Variants in LRR1 observed in about 807,000 individuals in gnomAD.
LRR1 encodes the protein leucine rich repeat protein 1.
Under a neutral mutation model 31.6 loss-of-function variants are expected in LRR1, and 29 were observed. The ratio of observed to expected loss-of-function variants is 0.92; its 90% CI spans 0.68 to 1.25. The LOEUF (loss-of-function observed/expected upper bound fraction) is 1.25. Ranked by LOEUF, LRR1 falls within the 50% of genes most tolerant of loss-of-function variation. LRR1 has a pLI of 0.00. For missense variants in LRR1, 485 were observed against 487.2 expected, an observed-to-expected ratio of 1.00 and a Z score of 0.04; for synonymous variants, 179 against 181.4, an observed-to-expected ratio of 0.99 and a Z score of 0.10.
chr14:49,602,471 A>G lies in LRR1; in HGVS notation c.282+3A>G. ...CTGTGGATATCTGTCTAAGTAAGGTATGGTATTAAAAACATTAATGATTAA... is the reference window on the plus strand; with the variant it reads ...CTGTGGATATCTGTCTAAGTAAGGTGTGGTATTAAAAACATTAATGATTAA... On this transcript the variant is annotated splice_donor_region_variant and intron_variant, in intron 2 of 3. Transcript: ENST00000298288. 6.2e-7 allele frequency: 1 copy of G among 1,605,360 alleles called. No homozygotes were observed. The highest frequency in any genetic ancestry group is 8.5e-7 in the Non-Finnish European group (1 of 1,172,682).
chr14:49,605,198 CTG>C (rs1882235684), intron 2 of LRR1, among the ~76,000 whole-genome samples: 3 of 152,168 alleles, frequency 2.0e-5, no homozygotes, highest in Admixed American at 6.6e-5. Flanking sequence ...TCTGGCCCAA[CTG>C]TGCATTATTT....
chr14:49,607,695 C>T lies in LRR1; in HGVS notation c.578C>T (p.Pro193Leu), dbSNP rs1435233492. The T allele has an allele frequency of 1.2e-6, 2 of 1,610,368 alleles. No homozygotes were observed. Among genetic ancestry groups the T allele is most frequent in the South Asian group, 1.1e-5 (1 of 90,660 alleles). The change falls in exon 3 of 4, where the codon CCA becomes CTA. Residue 193 changes from proline to leucine, a missense_variant. This residue lies in a region of LRR1 where 260 missense variants were observed against 249.6 expected (regional missense o/e 1.04). Transcript: ENST00000298288. Reference sequence around the variant, plus strand: ...AGTCACAACCATATAAAAAAGCTTCCAGCTACAATTGGAGACCTCATACAC... The same window carrying T: ...AGTCACAACCATATAAAAAAGCTTCTAGCTACAATTGGAGACCTCATACAC... ...DLSHNHIKKL[P>L]ATIGDLIHLQ...
chr14:49,599,787 GGCGGCGACC>G (rs1881970681), intron 1 of LRR1, among the ~76,000 whole-genome samples: 1 of 146,614 alleles, frequency 6.8e-6, no homozygotes, highest in South Asian at 2.1e-4. Context: ...CGGGGATCCG[GGCGGCGACC>G]GCGGCGGCGG....
chr14:49,608,766 T>C (rs925149600), intron 3 of LRR1, among the ~76,000 whole-genome samples: 1 of 152,044 alleles, frequency 6.6e-6, no homozygotes, highest in Non-Finnish European at 1.5e-5. Context: ...GGGGTCCAGC[T>C]GTGTCTTAGT....
intron 3 of LRR1, among the ~76,000 whole-genome samples, chr14:49,613,899 C>T (rs1161389537): frequency 6.6e-6 from 1 of 152,156 alleles, no homozygotes; most frequent in Non-Finnish European, 1.5e-5. Context: ...GTAAGGTTAG[C>T]CTTACTTGCC....
At chr14:49,603,987 G>A (rs1882189614) in intron 2 of LRR1, among the ~76,000 whole-genome samples, 1 of 150,024 alleles carries the variant, frequency 6.7e-6, no homozygotes. Context: ...CACCGTGCCC[G>A]GACTGTAATC....
intron 1 of LRR1, among the ~76,000 whole-genome samples, chr14:49,602,125 C>CT (rs1303042897): frequency 7.5e-6 from 1 of 132,748 alleles, no homozygotes; most frequent in Non-Finnish European, 1.6e-5. Context: ...GAGACTCTGT[C>CT]TCAAAAAAAA....
chr14:49,601,792 TGAG>T lies in LRR1; in HGVS notation c.184-574_184-572del, dbSNP rs1882063629. On this transcript the variant is annotated intron_variant, in intron 1 of 3. Coordinates refer to ENST00000298288, the MANE Select transcript of LRR1 (RefSeq NM_152329.4). ...GCAGTAACATCCACCACCAGCTAGA[TGAG>T]GAGTATAACTTCCCAACTGCTAAAA... 4 of 570,384 alleles carry T rather than the reference TGAG, an allele frequency of 7.0e-6. No individual in the cohort carries two copies. In the Admixed American group the frequency reaches 1.1e-4, roughly 16 times the overall value. 35.3% of individuals were successfully genotyped at this position (570,384 alleles called of 1,614,324 possible).
At chr14:49,606,844 A>G (rs908493451) in intron 2 of LRR1, among the ~76,000 whole-genome samples, 1 of 150,646 alleles carries the variant, frequency 6.6e-6, no homozygotes, top group Admixed American at 6.6e-5. Flanking sequence ...TTTAGTAGAA[A>G]CAGGGCTTCA....
Position 49,614,295 on chromosome 14 carries a change from C to T in LRR1, c.1044C>T (p.Cys348=). 1 of 1,613,546 alleles carries T rather than the reference C, an allele frequency of 6.2e-7. No individual in the cohort carries two copies. The highest frequency in any genetic ancestry group is 8.5e-7 in the Non-Finnish European group (1 of 1,179,880). The stretch of plus-strand genomic sequence containing the variant: ...CTCATATCATTCCATTCCATCTCTG[C>T]CAAGATTTGGATACCGCAAAAATTT... ...YGSHIIPFHL[C]QDLDTAKICV... Residue 348 remains cysteine, a synonymous_variant, in exon 4 of 4, where the codon TGC becomes TGT. Transcript: ENST00000298288.
At chr14:49,607,330 T>A (rs1882321849) in intron 2 of LRR1, 70 bp from the exon 3 acceptor site, 1 of 1,386,312 alleles carries the variant, frequency 7.2e-7, no homozygotes, top group South Asian at 1.8e-5. Flanking sequence ...TAGAATTTGT[T>A]ATGGGAAGAA....
At chr14:49,613,573 G>GAGGC (rs1882593608) in intron 3 of LRR1, among the ~76,000 whole-genome samples, 1 of 151,724 alleles carries the variant, frequency 6.6e-6, no homozygotes, top group Admixed American at 6.6e-5. Flanking sequence ...TTTGGAGGCT[G>GAGGC]AGGCAGGCAG....
chr14:49,603,219 G>A (rs1882137765), intron 2 of LRR1, among the ~76,000 whole-genome samples: 1 of 69,616 alleles, frequency 1.4e-5, no homozygotes, highest in African/African-American at 5.4e-5. Context: ...ACAGACTCTT[G>A]CAGGTTTTTT....
intron 1 of LRR1, chr14:49,600,206 C>G (rs1308184703): frequency 6.1e-6 from 9 of 1,475,064 alleles, no homozygotes; most frequent in Non-Finnish European, 8.5e-6. Context: ...AAGACTATGA[C>G]CATCTGAGGC....
At position 49,607,980 on chromosome 14, in the gene LRR1, C is replaced by T. The variant is rs750268371; in HGVS notation, c.863C>T (p.Pro288Leu). The T allele has an allele frequency of 8.1e-6, 13 of 1,613,940 alleles. No homozygotes were observed. Among genetic ancestry groups the T allele is most frequent in the African/African-American group, 1.3e-5 (1 of 74,906 alleles). The change falls in exon 3 of 4, where the codon CCT (proline) becomes CTT (leucine). Residue 288 changes from proline (P) to leucine (L), a missense_variant. Around this residue, in one of 3 missense-constraint regions of LRR1, gnomAD observed 210 missense variants for 200.4 expected, o/e 1.05. Transcript: ENST00000298288. ...GCTCGAAATAAGCTTCCATTTTTGC[C>T]TAGTGAATTTAGAAATTTATCCCTT... ...SAARNKLPFL[P>L]SEFRNLSLEY... is the part of the protein sequence containing the mutation.
chr14:49,600,095 C>T (rs1405747807), intron 1 of LRR1: 2 of 1,593,880 alleles, frequency 1.3e-6, no homozygotes, highest in Non-Finnish European at 8.6e-7. Flanking sequence ...ACGACGCCTT[C>T]CCGGAGGAGT....
chr14:49,598,940 G>T lies in LRR1; in HGVS notation c.-81G>T. 6.7e-7 allele frequency: 1 copy of T among 1,497,830 alleles called. No homozygotes were observed. The highest frequency in any genetic ancestry group is 9.0e-7 in the Non-Finnish European group (1 of 1,108,468). 92.8% of individuals were successfully genotyped at this position (1,497,830 alleles called of 1,614,324 possible). ...AGATCAGTGGGCAGCCCGCGTGCGC[G>T]AGGACCCCGATGGCGGCGCCGGGTG... On this transcript the variant is annotated 5_prime_UTR_variant, in exon 1 of 4. Transcript: ENST00000298288.
At chr14:49,600,215 G>A in intron 1 of LRR1, 1 of 1,484,428 alleles carries the variant, frequency 6.7e-7, no homozygotes, top group Admixed American at 1.7e-5. Flanking sequence ...ACCATCTGAG[G>A]CCTTTATCTT....
At chr14:49,601,677 C>T (rs1165978593) in intron 1 of LRR1, 2 of 1,289,454 alleles carry the variant, frequency 1.6e-6, no homozygotes, top group Non-Finnish European at 2.0e-6. Flanking sequence ...GCAACTCTTC[C>T]TACAGTTACA....
Sources: gnomAD v4.1 joint callset for allele counts (sites outside exome capture counted in the v4.1 genomes callset) on GRCh38, gnomAD v4.1.1 for gene constraint, gnomAD v4.1.1 regional missense constraint, MANE v1.5 for transcripts, NCBI Gene and HGNC (gene_info 2026-07-23, HGNC 2026-07-21) for gene names.